Variants in DLG2 observed in about 807,000 individuals in gnomAD.
The protein encoded by DLG2 is discs large MAGUK scaffold protein 2, also known as disks large homolog 2.
DLG2 carries 45 observed loss-of-function variants against 132.5 expected under a neutral mutation model. The observed-to-expected ratio is 0.34, with a 90% confidence interval of 0.27 to 0.44. The LOEUF is 0.44. DLG2 is among the 20% of genes least tolerant of loss of function. The pLI, the probability that DLG2 is intolerant of heterozygous loss-of-function variation, is 1.00. For synonymous variants in DLG2, 424 were observed against 419.6 expected (o/e 1.01, Z -0.13); for missense variants, 1,045 against 1,196.9 (o/e 0.87, Z 1.87).
At chr11:83,693,448 C>A (rs908757238) in intron 18 of DLG2, among the ~76,000 whole-genome samples, 1 of 152,058 alleles carries the variant, frequency 6.6e-6, no homozygotes, top group Non-Finnish European at 1.5e-5. Context: ...GCAATCAAAC[C>A]GTGCATAGCA....
At chr11:85,076,852 G>C (rs2066608091) in intron 6 of DLG2, among the ~76,000 whole-genome samples, 1 of 152,000 alleles carries the variant, frequency 6.6e-6, no homozygotes, top group Non-Finnish European at 1.5e-5. Flanking sequence ...TTTAATATCT[G>C]CTGAGCTTTC....
At chr11:85,564,594 T>A (rs2077427132) in intron 3 of DLG2, among the ~76,000 whole-genome samples, 1 of 152,060 alleles carries the variant, frequency 6.6e-6, no homozygotes, top group African/African-American at 2.4e-5. Context: ...TTTTGGTCTC[T>A]CTACTCTGTT....
chr11:84,125,616 T>C (rs73515747), intron 9 of DLG2, among the ~76,000 whole-genome samples: 4,872 of 152,284 alleles, frequency 0.032, 233 homozygotes, highest in African/African-American at 0.1. Context: ...TCTACCACTG[T>C]AGGCTTCAGG....
chr11:85,497,848 G>C (rs1183966911), intron 3 of DLG2, among the ~76,000 whole-genome samples: 1 of 152,310 alleles, frequency 6.6e-6, no homozygotes, highest in Middle Eastern at 3.4e-3. Flanking sequence ...AAGTGAAGGG[G>C]AAATAAAATC....
chr11:83,872,389 CTAGAG>C (rs1463716529), intron 16 of DLG2, among the ~76,000 whole-genome samples: 1 of 152,148 alleles, frequency 6.6e-6, no homozygotes, highest in Non-Finnish European at 1.5e-5. Context: ...TTCTTTGACT[CTAGAG>C]TAAGTTTTCT....
intron 3 of DLG2, among the ~76,000 whole-genome samples, chr11:85,362,054 C>T (rs1158536478): frequency 2.0e-5 from 3 of 152,148 alleles, no homozygotes; most frequent in South Asian, 2.1e-4. Flanking sequence ...ACTGCAGCCT[C>T]GACCTCCCAG....
intron 18 of DLG2, among the ~76,000 whole-genome samples, chr11:83,693,507 T>C (rs200328922): frequency 2.2e-5 from 2 of 89,820 alleles, no homozygotes; most frequent in African/African-American, 5.8e-5. Flanking sequence ...TGCTCCACCC[T>C]TCTCTCCTAC....
intron 6 of DLG2, among the ~76,000 whole-genome samples, chr11:84,884,843 T>C (rs1484694392): frequency 2.0e-5 from 3 of 152,086 alleles, no homozygotes; most frequent in Non-Finnish European, 4.4e-5. Context: ...ATTCATCAGT[T>C]TTACATTGTG....
At chr11:84,404,445 G>A (rs982568317) in intron 7 of DLG2, among the ~76,000 whole-genome samples, 5 of 151,950 alleles carry the variant, frequency 3.3e-5, no homozygotes, top group East Asian at 1.9e-4. Context: ...ATTGCAGTAC[G>A]TGCCACAGTC....
chr11:83,724,992 T>G, intron 18 of DLG2: 1 of 692,744 alleles, frequency 1.4e-6, no homozygotes, highest in Non-Finnish European at 2.6e-6. Flanking sequence ...CCTGACGCTC[T>G]TGAGTGGTGG....
At chr11:84,551,689 T>C (rs1282517750) in intron 6 of DLG2, among the ~76,000 whole-genome samples, 1 of 152,186 alleles carries the variant, frequency 6.6e-6, no homozygotes, top group African/African-American at 2.4e-5. Flanking sequence ...CCACCTTTAA[T>C]TCACACACTA....
intron 3 of DLG2, among the ~76,000 whole-genome samples, chr11:85,448,655 G>C (rs1367719302): frequency 6.6e-6 from 1 of 152,096 alleles, no homozygotes; most frequent in Non-Finnish European, 1.5e-5. Context: ...CTCTTGTCTG[G>C]AGATTCTAAG....
rs535828469 is a variant in DLG2 at position 85,430,259 on chromosome 11, G to C, written c.41-144894C>G. ...GGAGATATACCTAATGTTAAATGAC[G>C]AGTTGATGGGTGCAGCACACCAACA... On this transcript the variant is annotated intron_variant, in intron 3 of 27. Coordinates refer to ENST00000376104, the MANE Select transcript of DLG2 (RefSeq NM_001142699.3). Among the ~76,000 whole-genome samples the C allele has an allele frequency of 7.9e-5, 12 of 151,356 alleles. No individual in the cohort carries two copies. In the South Asian group the frequency reaches 1.9e-3, roughly 24 times the overall value.
rs140063800 is a variant in DLG2 at position 83,582,757 on chromosome 11, T to G, written c.1941-40899A>C. On this transcript the variant is annotated intron_variant, in intron 19 of 27. Transcript: ENST00000376104. ...ATTAGATAAGTAGTAACAGGAAGCATACAAATATCTTTCAGCGACAAGCAT... is the reference window on the plus strand; with the variant it reads ...ATTAGATAAGTAGTAACAGGAAGCAGACAAATATCTTTCAGCGACAAGCAT... Among the ~76,000 whole-genome samples, 137 of 152,308 alleles carry G rather than the reference T, an allele frequency of 9.0e-4. 1 individual carries two copies. The South Asian group carries it at 9.1e-3, about 10-fold the overall frequency.
chr11:84,238,042 T>TAAAAAAAA (rs71036414), intron 8 of DLG2, among the ~76,000 whole-genome samples: 30 of 73,040 alleles, frequency 4.1e-4, no homozygotes, highest in South Asian at 1.1e-3. Flanking sequence ...AGACTCTGCC[T>TAAAAAAAA]AAAAAAAAAA....
chr11:85,438,788 C>T (rs1313548930), intron 3 of DLG2, among the ~76,000 whole-genome samples: 1 of 152,152 alleles, frequency 6.6e-6, no homozygotes, highest in African/African-American at 2.4e-5. Flanking sequence ...TACTGAACAG[C>T]TGAATCGCAA....
intron 3 of DLG2, among the ~76,000 whole-genome samples, chr11:85,502,883 T>C (rs1466962401): frequency 1.3e-5 from 2 of 152,266 alleles, no homozygotes; most frequent in Admixed American, 6.5e-5. Flanking sequence ...AAGATGTTCA[T>C]AGCAGCATTG....
At chr11:83,760,863 C>T (rs192347826) in intron 18 of DLG2, among the ~76,000 whole-genome samples, 1 of 152,284 alleles carries the variant, frequency 6.6e-6, no homozygotes, top group African/African-American at 2.4e-5. Context: ...CTTGCCCTAC[C>T]TTTCTGCCTA....
chr11:85,065,238 G>C (rs1479441930), intron 6 of DLG2, among the ~76,000 whole-genome samples: 3 of 151,514 alleles, frequency 2.0e-5, no homozygotes, highest in Non-Finnish European at 1.5e-5. Flanking sequence ...GCTTCTAAAA[G>C]GGCTCTCTGT....
Sources: gnomAD v4.1 joint callset for allele counts (sites outside exome capture counted in the v4.1 genomes callset) on GRCh38, gnomAD v4.1.1 for gene constraint, MANE v1.5 for transcripts, NCBI Gene and HGNC (gene_info 2026-07-23, HGNC 2026-07-21) for gene names.